Variants in PADI2 observed in about 807,000 individuals in gnomAD.
The protein encoded by PADI2 is protein-arginine deiminase type-2.
PADI2 carries 70 observed loss-of-function variants against 81.1 expected under a neutral mutation model. The observed-to-expected ratio is 0.86, with a 90% CI of 0.71 to 1.05. The LOEUF (loss-of-function observed/expected upper bound fraction) is 1.05, where lower values mean the gene tolerates loss of function less well. Ranked by LOEUF, PADI2 falls within the 50% of genes least tolerant of loss-of-function variation. The pLI is 0.00. For missense variants in PADI2, 853 were observed against 889.9 expected (o/e 0.96, Z 0.53); for synonymous variants, 338 against 358.0 (o/e 0.94, Z 0.63).
At chr1:17,089,700 G>A (rs1930613045) in intron 6 of PADI2, among the ~76,000 whole-genome samples, 1 of 152,106 alleles carries the variant, frequency 6.6e-6, no homozygotes, top group Non-Finnish European at 1.5e-5. Flanking sequence ...TTGTCCCCAG[G>A]AGCCTCCTTA....
At chr1:17,097,989 C>T (rs546361263) in intron 3 of PADI2, among the ~76,000 whole-genome samples, 5 of 152,260 alleles carry the variant, frequency 3.3e-5, no homozygotes, top group South Asian at 4.1e-4. Flanking sequence ...AGCTGCACAG[C>T]GTTTTCCAAG....
intron 2 of PADI2, among the ~76,000 whole-genome samples, chr1:17,103,408 A>G (rs890319888): frequency 2.6e-5 from 4 of 152,170 alleles, no homozygotes; most frequent in East Asian, 3.9e-4. Context: ...TCTTTGGACC[A>G]TGTTCAATGC....
chr1:17,074,654 A>T (rs1005291532), intron 13 of PADI2, among the ~76,000 whole-genome samples: 17 of 152,250 alleles, frequency 1.1e-4, no homozygotes, highest in Non-Finnish European at 2.2e-4. Context: ...GGCAGCTCAC[A>T]GTCCACCCAG....
chr1:17,086,728 C>G (rs909685416), intron 6 of PADI2, 29 bp from the exon 7 acceptor site: 1 of 1,599,356 alleles, frequency 6.3e-7, no homozygotes, highest in Non-Finnish European at 8.6e-7. Context: ...ACGTCAGACT[C>G]CCACCCGCAT....
intron 6 of PADI2, among the ~76,000 whole-genome samples, chr1:17,090,782 C>G (rs958864746): frequency 1.3e-5 from 2 of 151,982 alleles, no homozygotes; most frequent in African/African-American, 4.8e-5. Flanking sequence ...CCTCTTTTTT[C>G]TTGTCTGCTC....
intron 3 of PADI2, among the ~76,000 whole-genome samples, chr1:17,097,528 T>C (rs1930980113): frequency 6.6e-6 from 1 of 152,150 alleles, no homozygotes; most frequent in African/African-American, 2.4e-5. Flanking sequence ...CACTCCACAT[T>C]TCACTGCTGA....
intron 2 of PADI2, 94 bp downstream of exon 2, chr1:17,104,784 C>T: frequency 1.8e-6 from 2 of 1,095,438 alleles, no homozygotes; most frequent in Non-Finnish European, 2.5e-6. Flanking sequence ...GACACATGGC[C>T]CACGTGCAGT....
In PADI2 at chr1:17,070,198, G is replaced by A. The variant is rs370453648; in HGVS notation, c.1654C>T (p.Arg552Cys). ...CCCAGCTCCTTCTTGAGGATGTCAC[G>A]GTTCCAGTCTAGGCAGCGCTGGGTA... ...LYFQRCLDWN[R>C]DILKKELGLT... Residue 552 changes from arginine (R) to cysteine (C), a missense_variant, in exon 15 of 16, where the codon CGT becomes TGT. Coordinates refer to ENST00000375486, the MANE Select transcript of PADI2 (RefSeq NM_007365.3). The A allele has an allele frequency of 2.0e-4, 316 of 1,614,050 alleles. 5 individuals carry two copies. The South Asian group carries it at 3.2e-3, about 16-fold the overall frequency.
chr1:17,084,386 C>T (rs2078369825), intron 8 of PADI2, among the ~76,000 whole-genome samples: 1 of 152,190 alleles, frequency 6.6e-6, no homozygotes, highest in African/African-American at 2.4e-5. Context: ...TAGAGCATAC[C>T]CTGTGTGCTG....
chr1:17,093,710 T>A (rs760359651), intron 4 of PADI2, 26 bp from the exon 5 acceptor site: 1 of 1,350,138 alleles, frequency 7.4e-7, no homozygotes, highest in Non-Finnish European at 1.1e-6. Flanking sequence ...GAAAGGTCAG[T>A]GCCCTCTTCT....
In PADI2 at chr1:17,115,997, C is replaced by A. The variant is rs1931743720; in HGVS notation, c.92+3283G>T. Among the ~76,000 whole-genome samples the A allele has an allele frequency of 6.6e-6, 1 of 152,234 alleles. No individual in the cohort carries two copies. The highest frequency in any genetic ancestry group is 2.1e-4 in the South Asian group (1 of 4,834). ...GCGTGGGTGGCCCAGAGCACCCCTG[C>A]CCATGGTGGCCTGGATGACCCCTCA... On this transcript the variant is annotated intron_variant, in intron 1 of 15. Coordinates refer to ENST00000375486, the MANE Select transcript of PADI2 (RefSeq NM_007365.3). This position sits in a 1 kb window ranked among gnomAD's most constrained non-coding sequence, Gnocchi z 4.1.
chr1:17,075,932 G>C (rs2078299223), intron 11 of PADI2, 109 bp from the exon 12 acceptor site: 5 of 1,001,740 alleles, frequency 5.0e-6, no homozygotes, highest in Non-Finnish European at 7.7e-6. Context: ...GACATCAGCA[G>C]AGAAGTCCCA....
At chr1:17,105,778 C>T (rs1251218340) in intron 1 of PADI2, among the ~76,000 whole-genome samples, 3 of 152,184 alleles carry the variant, frequency 2.0e-5, no homozygotes, top group African/African-American at 4.8e-5. Flanking sequence ...CCAAAGGGGC[C>T]AGCTGCATTG....
chr1:17,107,949 C>CACT (rs1931444806), intron 1 of PADI2, among the ~76,000 whole-genome samples: 6 of 140,168 alleles, frequency 4.3e-5, no homozygotes, highest in African/African-American at 1.3e-4. Context: ...GCATCCATCA[C>CACT]TTTTTTTTTT....
rs2100240712 is a variant in PADI2 at position 17,119,298 on chromosome 1, A to G, written c.74T>C (p.Leu25Pro). The stretch of plus-strand genomic sequence containing the variant: ...GGCTCACCTGTAGACATCGGTCCAG[A>G]GGTAGGTGCCCAGCACGTACACCGC... The part of the protein sequence containing the change: ...VEAVYVLGTY[L>P]WTDVYSAAPA... The change falls in exon 1 of 16, where the codon CTC (leucine) becomes CCC (proline). Residue 25 changes from leucine to proline, a missense_variant. By Grantham distance (98) the Leu-to-Pro change is moderately conservative. Transcript: ENST00000375486. This position sits in a 1 kb window ranked among gnomAD's most constrained non-coding sequence, Gnocchi z 4.8. 1 of 1,556,942 alleles carries G rather than the reference A, an allele frequency of 6.4e-7. No individual in the cohort carries two copies. Among genetic ancestry groups the G allele is most frequent in the African/African-American group, 1.4e-5 (1 of 72,210 alleles).
At chr1:17,100,782 C>T (rs1171438080) in intron 3 of PADI2, among the ~76,000 whole-genome samples, 1 of 151,918 alleles carries the variant, frequency 6.6e-6, no homozygotes, top group Non-Finnish European at 1.5e-5. Flanking sequence ...CTGCCTCAGC[C>T]TCCTGAGTAG....
chr1:17,098,898 G>A (rs1260462935), intron 3 of PADI2, among the ~76,000 whole-genome samples: 1 of 152,242 alleles, frequency 6.6e-6, no homozygotes, highest in Non-Finnish European at 1.5e-5. Flanking sequence ...CCTGCCCAGA[G>A]CATTGCCTCT....
In PADI2 at chr1:17,069,163, G is replaced by A. The variant is rs1457692375; in HGVS notation, c.1879C>T (p.Leu627Phe). The A allele has an allele frequency of 6.2e-7, 1 of 1,614,084 alleles. No homozygotes were observed. Among genetic ancestry groups the A allele is most frequent in the African/African-American group, 1.3e-5 (1 of 74,944 alleles). ...ATGTCGTCGATGAAGGTGCATTCGA[G>A]GCCCAGGGGCTCCAGGAGGCCACGC... is the stretch of plus-strand genomic sequence containing the variant. ...HVRGLLEPLGLECTFIDDISA... is the reference protein window; with the variant it reads ...HVRGLLEPLGFECTFIDDISA... Residue 627 changes from leucine (L) to phenylalanine (F), a missense_variant, in exon 16 of 16, where the codon CTC (leucine) becomes TTC (phenylalanine). Transcript: ENST00000375486.
chr1:17,076,702 A>C (rs2078305115), intron 11 of PADI2, among the ~76,000 whole-genome samples: 1 of 151,082 alleles, frequency 6.6e-6, no homozygotes. Flanking sequence ...TCAGCCTCCC[A>C]AGTAGCTGGG....
Sources: allele counts gnomAD v4.1 joint callset (sites outside exome capture counted in the v4.1 genomes callset), GRCh38; gene constraint gnomAD v4.1.1; non-coding constraint Gnocchi (gnomAD v3.1); transcripts MANE v1.5; gene names NCBI Gene and HGNC (gene_info 2026-07-23, HGNC 2026-07-21).